Variants in TRADD observed in about 807,000 individuals in gnomAD.
TRADD encodes tumor necrosis factor receptor type 1-associated DEATH domain protein.
In TRADD, 14 loss-of-function variants were observed where a neutral mutation model predicts 31.5. That is an observed-to-expected ratio of 0.44 (90% CI 0.29 to 0.69). TRADD has a LOEUF of 0.69. Among genes scored for constraint, TRADD ranks in the 30% least tolerant of loss-of-function variants. The pLI is 0.11. For synonymous variants in TRADD, 220 were observed against 215.8 expected, an observed-to-expected ratio of 1.02 and a Z score of -0.17; for missense variants, 388 against 435.7, an observed-to-expected ratio of 0.89 and a Z score of 0.97.
chr16:67,155,480 T>G lies in TRADD; in HGVS notation c.326A>C (p.Gln109Pro). 6.3e-7 allele frequency: 1 copy of G among 1,575,348 alleles called. No homozygotes were observed. Residue 109 changes from glutamine (Q) to proline (P), a missense_variant, in exon 3 of 5, where the codon CAG (glutamine) becomes CCG (proline). By Grantham distance (76) the Gln-to-Pro change is moderately conservative. Coordinates refer to ENST00000345057, the MANE Select transcript of TRADD (RefSeq NM_003789.4). Reference sequence around the variant, plus strand: ...CTCCAGTTGCAGCGGCACCGAGTGCTGGGCGAGCGCGGCCGCCAGGCTCCT... The same window carrying G: ...CTCCAGTTGCAGCGGCACCGAGTGCGGGGCGAGCGCGGCCGCCAGGCTCCT... ...LQRSLAAALA[Q>P]HSVPLQLELR...
At position 67,156,154 on chromosome 16, in the gene TRADD, G is replaced by C; in HGVS notation, c.151+356C>G. The C allele has an allele frequency of 7.3e-7, 1 of 1,372,080 alleles. No individual in the cohort carries two copies. Among genetic ancestry groups the C allele is most frequent in the East Asian group, 4.0e-5 (1 of 24,768 alleles). The allele number at this position is 1,372,080 out of a possible 1,614,324, so 85.0% of individuals were successfully genotyped here. ...GCCTCTGCCCTGAGATGGGAAAGGG[G>C]GGCCTGGAAGGGTAGGTACTGGGGA... On this transcript the variant is annotated intron_variant, in intron 2 of 4. Coordinates refer to ENST00000345057, the MANE Select transcript of TRADD (RefSeq NM_003789.4). This position sits in a 1 kb window ranked among gnomAD's most constrained non-coding sequence, Gnocchi z 4.6.
At position 67,154,796 on chromosome 16, in the gene TRADD, C is replaced by T; in HGVS notation, c.792G>A (p.Gln264=). The T allele has an allele frequency of 1.3e-6, 2 of 1,598,696 alleles. No homozygotes were observed. Among genetic ancestry groups the T allele is most frequent in the Non-Finnish European group, 1.7e-6 (2 of 1,173,498 alleles). ...CGAAGCGCCGCAGCAGCTGGAAGGCCTGCTCGTACAGTCCCTCGCGCTCGT... is the reference window on the plus strand; with the variant it reads ...CGAAGCGCCGCAGCAGCTGGAAGGCTTGCTCGTACAGTCCCTCGCGCTCGT... ...YEYEREGLYE[Q]AFQLLRRFVQ... Residue 264 remains glutamine (Q), a synonymous_variant, in exon 5 of 5, where the codon CAG becomes CAA. Transcript: ENST00000345057. This position sits in a 1 kb window ranked among gnomAD's most constrained non-coding sequence, Gnocchi z 5.2.
Position 67,156,559 on chromosome 16 carries a change from G to A in TRADD, c.102C>T (p.His34=). 1 of 1,613,874 alleles carries A rather than the reference G, an allele frequency of 6.2e-7. No homozygotes were observed. The highest frequency in any genetic ancestry group is 8.5e-7 in the Non-Finnish European group (1 of 1,180,034). Residue 34 remains histidine (H), a synonymous_variant, in exon 2 of 5, where the codon CAC becomes CAT. Coordinates refer to ENST00000345057, the MANE Select transcript of TRADD (RefSeq NM_003789.4). This position sits in a 1 kb window ranked among gnomAD's most constrained non-coding sequence, Gnocchi z 4.6. ...TGTACACTGCCACCTTCTGCTGGGG[G>A]TGCGCGTAGGCATCCGACAGGACCA... ...DKVVLSDAYA[H]PQQKVAVYRA...
rs865922447 is a variant in TRADD, at chr16:67,154,854, C to T, written c.734G>A (p.Arg245Gln). The part of the protein sequence containing the change: ...RSLQRGCRAL[R>Q]DPALDSLAYE... ...GGCCAGCGAGTCCAGCGCCGGGTCC[C>T]GCAGCGCCCGGCAGCCTCGCTGCAG... is the stretch of plus-strand genomic sequence containing the variant. The change falls in exon 5 of 5, where the codon CGG becomes CAG. Residue 245 changes from arginine (R) to glutamine (Q), a missense_variant. Transcript: ENST00000345057. This position sits in a 1 kb window ranked among gnomAD's most constrained non-coding sequence, Gnocchi z 5.2. The T allele has an allele frequency of 3.8e-6, 6 of 1,594,966 alleles. No homozygotes were observed. Among genetic ancestry groups the T allele is most frequent in the African/African-American group, 1.3e-5 (1 of 74,398 alleles).
intron 4 of TRADD, 51 bp from the exon 5 acceptor site, chr16:67,155,010 T>TGCC (rs2030614772): frequency 9.3e-6 from 14 of 1,499,374 alleles, no homozygotes; most frequent in Non-Finnish European, 1.3e-5. Context: ...CCAGCGCCGG[T>TGCC]CCCACCCATC....
rs1351476012 is a variant in TRADD at position 67,156,677 on chromosome 16, GCAGA to G, written c.-8-13_-8-10del. ...AGCTGCCATCTCACCTCCTGGAGATGCAGACAGTCAGGTATCCAGTTCATCCCCC... is the reference window on the plus strand; with the variant it reads ...AGCTGCCATCTCACCTCCTGGAGATGCAGTCAGGTATCCAGTTCATCCCCC... On this transcript the variant is annotated splice_polypyrimidine_tract_variant and intron_variant, in intron 1 of 4. Transcript: ENST00000345057. This position sits in a 1 kb window ranked among gnomAD's most constrained non-coding sequence, Gnocchi z 4.6. 3.7e-6 allele frequency: 6 copies of G among 1,613,526 alleles called. No individual in the cohort carries two copies. The East Asian group carries it at 6.7e-5, about 18-fold the overall frequency.
rs1244929975 is a variant in TRADD, at chr16:67,155,243, T to A, written c.481A>T (p.Asn161Tyr). Residue 161 changes from asparagine to tyrosine, a missense_variant, in exon 4 of 5, where the codon AAT becomes TAT. Asn to Tyr is a moderately radical substitution (Grantham distance 143, BLOSUM62 -2). Transcript: ENST00000345057. ...ELAELEDALR[N>Y]LKCGSGARGG... The stretch of plus-strand genomic sequence containing the variant: ...CGGGCCCCCGAGCCGCACTTCAGAT[T>A]TCGCAGCGCATCCTCCAGCTCAGCC... 6.2e-7 allele frequency: 1 copy of A among 1,608,146 alleles called. No homozygotes were observed. Among genetic ancestry groups the A allele is most frequent in the African/African-American group, 1.3e-5 (1 of 74,914 alleles).
At chr16:67,157,047 C>CT (rs2030724957) in intron 1 of TRADD, among the ~76,000 whole-genome samples, 1 of 152,222 alleles carries the variant, frequency 6.6e-6, no homozygotes, top group Non-Finnish European at 1.5e-5. Context: ...CATCTTCATT[C>CT]TGGATGGTGC....
Position 67,154,897 on chromosome 16 carries a change from G to A in TRADD, c.691C>T (p.Arg231Cys), listed in dbSNP as rs1304569556. 1.9e-6 allele frequency: 3 copies of A among 1,604,204 alleles called. No individual in the cohort carries two copies. The highest frequency in any genetic ancestry group is 1.7e-6 in the Non-Finnish European group (2 of 1,176,034). ...TFARSVGLKW[R>C]KVGRSLQRGC... ...CGCTGCAGTGAGCGCCCCACCTTGC[G>A]CCATTTGAGACCCACAGAGCGCGCG... The change falls in exon 5 of 5, where the codon CGC becomes TGC. Residue 231 changes from arginine (R) to cysteine (C), a missense_variant. Transcript: ENST00000345057. The surrounding 1 kb of genome is among the most constrained non-coding windows in gnomAD (Gnocchi z 5.2).
Position 67,154,933 on chromosome 16 carries a change from G to A in TRADD, c.655C>T (p.Gln219Ter). 10 of 1,609,710 alleles carry A rather than the reference G, an allele frequency of 6.2e-6. No homozygotes were observed. Among genetic ancestry groups the A allele is most frequent in the Non-Finnish European group, 7.6e-6 (9 of 1,178,558 alleles). The change falls in exon 5 of 5, where the codon CAA becomes TAA. Residue 219 changes from glutamine to a stop codon, truncating the protein, a stop_gained. Coordinates refer to ENST00000345057, the MANE Select transcript of TRADD (RefSeq NM_003789.4). LOFTEE classifies it high-confidence loss of function. This position sits in a 1 kb window ranked among gnomAD's most constrained non-coding sequence, Gnocchi z 5.2. ...VVNRPLSLKDQQTFARSVGLK... is the reference protein window; with the variant it reads ...VVNRPLSLKD ...CCCACAGAGCGCGCGAACGTCTGTT[G>A]GTCCTTCAGGCTCAGCGGCCGATTC...
intron 1 of TRADD, among the ~76,000 whole-genome samples, chr16:67,157,381 C>A (rs1386654366): frequency 6.6e-6 from 1 of 152,148 alleles, no homozygotes; most frequent in Non-Finnish European, 1.5e-5. Context: ...TAAGTTGGAC[C>A]CATGAGAATC....
rs781077708 is a variant in TRADD, at chr16:67,155,175, C to G, written c.549G>C (p.Pro183=). The change falls in exon 4 of 5, where the codon CCG becomes CCC. Residue 183 remains proline, a synonymous_variant. Coordinates refer to ENST00000345057, the MANE Select transcript of TRADD (RefSeq NM_003789.4). ...GEVASAPLQP[P]VPSLSEVKPP... is the part of the protein sequence containing the mutation. Reference sequence around the variant, plus strand: ...GCTTCACCTCCGACAGAGAGGGCACCGGGGGCTGCAAGGGGGCCGAAGCGA... The same window carrying G: ...GCTTCACCTCCGACAGAGAGGGCACGGGGGGCTGCAAGGGGGCCGAAGCGA... 9 of 1,562,674 alleles carry G rather than the reference C, an allele frequency of 5.8e-6. No individual in the cohort carries two copies. The African/African-American group carries it at 6.8e-5, about 12-fold the overall frequency.
intron 2 of TRADD, chr16:67,155,936 C>T: frequency 6.7e-7 from 1 of 1,497,898 alleles, no homozygotes; most frequent in African/African-American, 1.4e-5. Context: ...AGAGGGACTT[C>T]GAAGCACAGA....
Position 67,155,670 on chromosome 16 carries a change from G to T in TRADD, c.152-16C>A. On this transcript the variant is annotated splice_polypyrimidine_tract_variant and intron_variant, in intron 2 of 4. Transcript: ENST00000345057. The stretch of plus-strand genomic sequence containing the variant: ...CCGCCGCTCTCTGCGGAGGCGGGCG[G>T]TCAGGCGCCGGGCGGTCCCCAAGCT... 2 of 1,561,784 alleles carry T rather than the reference G, an allele frequency of 1.3e-6. No homozygotes were observed. The highest frequency in any genetic ancestry group is 1.7e-6 in the Non-Finnish European group (2 of 1,162,006).
Position 67,156,331 on chromosome 16 carries a change from G to T in TRADD, c.151+179C>A. The T allele has an allele frequency of 8.6e-7, 1 of 1,168,696 alleles. No homozygotes were observed. The highest frequency in any genetic ancestry group is 1.2e-6 in the Non-Finnish European group (1 of 828,164). The allele number at this position is 1,168,696 out of a possible 1,614,324, so 72.4% of individuals were successfully genotyped here. ...ATTGGTAAATCATACACAGACTCGA[G>T]AACACACGCCTATCCTCAAGGTCAT... is the stretch of plus-strand genomic sequence containing the variant. On this transcript the variant is annotated intron_variant, in intron 2 of 4. Coordinates refer to ENST00000345057, the MANE Select transcript of TRADD (RefSeq NM_003789.4). The surrounding 1 kb of genome is among the most constrained non-coding windows in gnomAD (Gnocchi z 4.6).
chr16:67,159,320 C>A lies in TRADD; in HGVS notation c.-9+518G>T, dbSNP rs1296456807. Among the ~76,000 whole-genome samples the A allele has an allele frequency of 6.6e-6, 1 of 152,204 alleles. No individual in the cohort carries two copies. Among genetic ancestry groups the A allele is most frequent in the South Asian group, 2.1e-4 (1 of 4,836 alleles). On this transcript the variant is annotated intron_variant, in intron 1 of 4. Transcript: ENST00000345057. This position sits in a 1 kb window ranked among gnomAD's most constrained non-coding sequence, Gnocchi z 6.8. ...TTCCAGGGACGAGCCACGCACGGTG[C>A]CCCCTGAACACCTAACAGTCCCGGG...
At position 67,159,206 on chromosome 16, in the gene TRADD, G is replaced by T. The variant is rs1302769542; in HGVS notation, c.-9+632C>A. 6.6e-6 allele frequency among the ~76,000 whole-genome samples: 1 copy of T among 152,238 alleles called. No individual in the cohort carries two copies. Among genetic ancestry groups the T allele is most frequent in the Non-Finnish European group, 1.5e-5 (1 of 68,038 alleles). On this transcript the variant is annotated intron_variant, in intron 1 of 4. Coordinates refer to ENST00000345057, the MANE Select transcript of TRADD (RefSeq NM_003789.4). This position sits in a 1 kb window ranked among gnomAD's most constrained non-coding sequence, Gnocchi z 6.8. The stretch of plus-strand genomic sequence containing the variant: ...CAGGAGTCGTCCCTTTTTGGGCGGG[G>T]CTGAGGCTTCCAGGCTGGGTCCTGA...
Position 67,155,224 on chromosome 16 carries a change from C to G in TRADD, c.500G>C (p.Gly167Ala). The change falls in exon 4 of 5, where the codon GGG (glycine) becomes GCG (alanine). Residue 167 changes from glycine to alanine, a missense_variant. By Grantham distance (60) the Gly-to-Ala change is moderately conservative. Transcript: ENST00000345057. ...GACCTCCCCGTCGCCACCCCGGGCC[C>G]CCGAGCCGCACTTCAGATTTCGCAG... ...DALRNLKCGS[G>A]ARGGDGEVAS... 6.2e-7 allele frequency: 1 copy of G among 1,601,046 alleles called. No homozygotes were observed. Among genetic ancestry groups the G allele is most frequent in the Non-Finnish European group, 8.5e-7 (1 of 1,175,244 alleles).
rs758163897 is a variant in TRADD at position 67,154,950 on chromosome 16, G to A, written c.638C>T (p.Pro213Leu). 1.9e-6 allele frequency: 3 copies of A among 1,609,360 alleles called. No individual in the cohort carries two copies. Among genetic ancestry groups the A allele is most frequent in the Non-Finnish European group, 2.5e-6 (3 of 1,178,502 alleles). ...LFQGQPVVNR[P>L]LSLKDQQTFA... ...CGTCTGTTGGTCCTTCAGGCTCAGCGGCCGATTCACTGCAGAGGGAGTGGG... is the reference window on the plus strand; with the variant it reads ...CGTCTGTTGGTCCTTCAGGCTCAGCAGCCGATTCACTGCAGAGGGAGTGGG... The change falls in exon 5 of 5, where the codon CCG becomes CTG. Residue 213 changes from proline (P) to leucine (L), a missense_variant. Transcript: ENST00000345057. This position sits in a 1 kb window ranked among gnomAD's most constrained non-coding sequence, Gnocchi z 5.2.
Sources: allele counts gnomAD v4.1 joint callset (sites outside exome capture counted in the v4.1 genomes callset), GRCh38; gene constraint gnomAD v4.1.1; non-coding constraint Gnocchi (gnomAD v3.1); transcripts MANE v1.5; gene names NCBI Gene and HGNC (gene_info 2026-07-23, HGNC 2026-07-21).